Variants in ADAMTS19 observed in about 807,000 individuals in gnomAD.
The protein encoded by ADAMTS19 is ADAM metallopeptidase with thrombospondin type 1 motif 19.
ADAMTS19 carries 93 observed loss-of-function variants against 153.3 expected under a neutral mutation model. The ratio of observed to expected loss-of-function variants is 0.61; its 90% CI spans 0.51 to 0.72. ADAMTS19 has a LOEUF of 0.72. Ranked by LOEUF, ADAMTS19 falls within the 30% of genes least tolerant of loss-of-function variation. The pLI, the probability that ADAMTS19 is intolerant of heterozygous loss-of-function variation, is 0.00. For missense variants in ADAMTS19, 1,482 were observed against 1,552.1 expected (o/e 0.95, Z 0.76); for synonymous variants, 600 against 556.6 (o/e 1.08, Z -1.10).
intron 6 of ADAMTS19, among the ~76,000 whole-genome samples, chr5:129,530,966 T>C (rs1752179896): frequency 6.6e-6 from 1 of 152,136 alleles, no homozygotes; most frequent in South Asian, 2.1e-4. Flanking sequence ...GGCCACATCA[T>C]GTAAAATCAG....
At chr5:129,576,046 C>T (rs1344975926) in intron 7 of ADAMTS19, among the ~76,000 whole-genome samples, 3 of 129,436 alleles carry the variant, frequency 2.3e-5, no homozygotes, top group South Asian at 2.8e-4. Flanking sequence ...CATCTTAATG[C>T]GGGGAGGAAG....
chr5:129,478,727 A>C (rs1184943122), intron 2 of ADAMTS19, among the ~76,000 whole-genome samples: 2 of 152,044 alleles, frequency 1.3e-5, no homozygotes, highest in Non-Finnish European at 2.9e-5. Flanking sequence ...TTTTTTGTAC[A>C]GATGAGGGGT....
At chr5:129,527,615 GCTT>G (rs1395106362) in intron 4 of ADAMTS19, 130 bp from the exon 5 acceptor site, 2 of 371,596 alleles carry the variant, frequency 5.4e-6, no homozygotes, top group African/African-American at 8.1e-5. Flanking sequence ...TGCTTTACAA[GCTT>G]TTTTTTTTTT....
intron 17 of ADAMTS19, among the ~76,000 whole-genome samples, chr5:129,682,372 T>A (rs973315973): frequency 6.6e-6 from 1 of 152,222 alleles, no homozygotes; most frequent in African/African-American, 2.4e-5. Context: ...GGTCACACTT[T>A]CCTTTTTGCA....
intron 6 of ADAMTS19, among the ~76,000 whole-genome samples, chr5:129,540,606 G>T (rs977758352): frequency 6.6e-6 from 1 of 151,940 alleles, no homozygotes; most frequent in Non-Finnish European, 1.5e-5. Flanking sequence ...AATGCCATTG[G>T]CAAGTAAGAG....
rs146615763 is a variant in ADAMTS19, at chr5:129,533,323, C to T, written c.1328+4646C>T. Among the ~76,000 whole-genome samples the T allele has an allele frequency of 2.3e-3, 353 of 152,180 alleles. 4 individuals are homozygous for T. The highest frequency in any genetic ancestry group is 0.02 in the South Asian group (98 of 4,820). On this transcript the variant is annotated intron_variant, in intron 6 of 22. Transcript: ENST00000274487. ...GATACATGTGGGTTTATACATTTGT[C>T]AAAATTCACCAATCTTCTCATTTAA...
intron 8 of ADAMTS19, among the ~76,000 whole-genome samples, chr5:129,608,858 A>AAG: frequency 6.9e-6 from 1 of 144,068 alleles, no homozygotes; most frequent in Non-Finnish European, 1.5e-5. Flanking sequence ...AAAAAAAAAG[A>AAG]AAAAAAAAAA....
rs528755113 is a variant in ADAMTS19, at chr5:129,669,958, C to T, written c.2506+4379C>T. On this transcript the variant is annotated intron_variant, in intron 16 of 22. Coordinates refer to ENST00000274487, the MANE Select transcript of ADAMTS19 (RefSeq NM_133638.6). The stretch of plus-strand genomic sequence containing the variant: ...TTGTATGATATTTACCTTTTAAGAG[C>T]ATAGATAGATATGTGGTGGGGGGTT... Among the ~76,000 whole-genome samples the T allele has an allele frequency of 2.6e-5, 4 of 152,156 alleles. No individual in the cohort carries two copies. The South Asian group carries it at 8.3e-4, about 32-fold the overall frequency.
At chr5:129,710,793 G>T (rs1394068713) in intron 21 of ADAMTS19, among the ~76,000 whole-genome samples, 1 of 152,164 alleles carries the variant, frequency 6.6e-6, no homozygotes, top group African/African-American at 2.4e-5. Flanking sequence ...AAAGAAATTT[G>T]AAACCTTGAT....
At chr5:129,699,617 G>T (rs1360646831) in intron 19 of ADAMTS19, among the ~76,000 whole-genome samples, 1 of 152,064 alleles carries the variant, frequency 6.6e-6, no homozygotes, top group Non-Finnish European at 1.5e-5. Flanking sequence ...TCGTGTGAGT[G>T]CTACAAGCCA....
intron 2 of ADAMTS19, among the ~76,000 whole-genome samples, chr5:129,463,139 A>G (rs1414086617): frequency 6.6e-6 from 1 of 152,196 alleles, no homozygotes; most frequent in African/African-American, 2.4e-5. Context: ...TGGGGAAAAC[A>G]TTTTGTGGAG....
rs777419049 is a variant in ADAMTS19 at position 129,461,517 on chromosome 5, C to T, written c.507C>T (p.Asp169=). 3.5e-5 allele frequency: 53 copies of T among 1,518,282 alleles called. No homozygotes were observed. The highest frequency in any genetic ancestry group is 4.1e-5 in the Admixed American group (2 of 48,426). 94.1% of individuals were successfully genotyped at this position (1,518,282 alleles called of 1,614,324 possible). Residue 169 remains aspartate (D), a synonymous_variant, in exon 2 of 23, where the codon GAC becomes GAT. Coordinates refer to ENST00000274487, the MANE Select transcript of ADAMTS19 (RefSeq NM_133638.6). This position sits in a 1 kb window ranked among gnomAD's most constrained non-coding sequence, Gnocchi z 4.6. ...PPAQHAEPDG[D]EVLLRIPAFS... is the part of the protein sequence containing the mutation. The stretch of plus-strand genomic sequence containing the variant: ...CCCAGCATGCCGAGCCGGATGGCGA[C>T]GAAGTGTTGCTGCGGATCCCGGCCT...
rs552394567 is a variant in ADAMTS19 at position 129,470,020 on chromosome 5, G to A, written c.747+8263G>A. Among the ~76,000 whole-genome samples the A allele has an allele frequency of 1.3e-4, 20 of 152,210 alleles. No homozygotes were observed. In the South Asian group the frequency reaches 2.3e-3, roughly 17 times the overall value. On this transcript the variant is annotated intron_variant, in intron 2 of 22. Transcript: ENST00000274487. The stretch of plus-strand genomic sequence containing the variant: ...TGATGCTGATCGAATAAGCTACATC[G>A]TACATTAAAAATAAACTATTTAATC...
At chr5:129,619,442 A>T (rs908646988) in intron 8 of ADAMTS19, among the ~76,000 whole-genome samples, 4 of 151,164 alleles carry the variant, frequency 2.6e-5, no homozygotes, top group Admixed American at 1.3e-4. Flanking sequence ...GCAAGAAAAT[A>T]AGAAACAACA....
At chr5:129,576,364 A>T (rs1216978363) in intron 7 of ADAMTS19, among the ~76,000 whole-genome samples, 1 of 152,110 alleles carries the variant, frequency 6.6e-6, no homozygotes, top group East Asian at 1.9e-4. Flanking sequence ...GTGTGTACAC[A>T]CACTTTTAAA....
chr5:129,480,951 A>C (rs1250071597), intron 2 of ADAMTS19, among the ~76,000 whole-genome samples: 1 of 152,184 alleles, frequency 6.6e-6, no homozygotes. Context: ...ATTCATTATA[A>C]AAGTGCACCA....
At chr5:129,475,275 A>G (rs1269973324) in intron 2 of ADAMTS19, among the ~76,000 whole-genome samples, 1 of 151,840 alleles carries the variant, frequency 6.6e-6, no homozygotes, top group Non-Finnish European at 1.5e-5. Flanking sequence ...GAGACTGTAA[A>G]TTTTTCTCTT....
At chr5:129,535,676 A>G (rs1752392895) in intron 6 of ADAMTS19, among the ~76,000 whole-genome samples, 1 of 152,228 alleles carries the variant, frequency 6.6e-6, no homozygotes, top group South Asian at 2.1e-4. Flanking sequence ...ACAAGGCTAC[A>G]GTAACCAAAA....
At chr5:129,649,102 G>A in intron 13 of ADAMTS19, 132 bp downstream of exon 13, 1 of 844,864 alleles carries the variant, frequency 1.2e-6, no homozygotes, top group Non-Finnish European at 1.8e-6. Context: ...CTACCTGTAT[G>A]GACATATAAT....
Sources: gnomAD v4.1 joint callset for allele counts (sites outside exome capture counted in the v4.1 genomes callset) on GRCh38, gnomAD v4.1.1 for gene constraint, Gnocchi (gnomAD v3.1) non-coding constraint, MANE v1.5 for transcripts, NCBI Gene and HGNC (gene_info 2026-07-23, HGNC 2026-07-21) for gene names.